The following ZNF37A variants were observed in gnomAD, a reference collection of about 807,000 sequenced individuals.
The protein encoded by ZNF37A is zinc finger protein 37a (KOX 21).
Under a neutral mutation model 12.3 loss-of-function variants are expected in ZNF37A, and 10 were observed. The observed-to-expected ratio is 0.82, with a 90% CI of 0.50 to 1.38. ZNF37A has a LOEUF of 1.38. Ranked by LOEUF, ZNF37A falls within the 40% of genes most tolerant of loss-of-function variation. The pLI, the probability that ZNF37A is intolerant of heterozygous loss-of-function variation, is 0.00. For missense variants in ZNF37A, 580 were observed against 651.2 expected (o/e 0.89, Z 1.19); for synonymous variants, 207 against 223.0 (o/e 0.93, Z 0.64).
Position 38,100,968 on chromosome 10 carries a change from T to TGA in ZNF37A, c.15+4336_15+4337insGA, listed in dbSNP as rs1290093007. On this transcript the variant is annotated intron_variant, in intron 5 of 7. Coordinates refer to ENST00000685332, the MANE Select transcript of ZNF37A (RefSeq NM_001324250.3). ...TTCTGCCTTGGCTGCAGCCGGTCCCTCTGTTTGGGGTCCCTGACTTCCTGC... is the reference window on the plus strand; with the variant it reads ...TTCTGCCTTGGCTGCAGCCGGTCCCTGACTGTTTGGGGTCCCTGACTTCCTGC... 6.6e-5 allele frequency among the ~76,000 whole-genome samples: 10 copies of TGA among 152,216 alleles called. No individual in the cohort carries two copies. The East Asian group carries it at 1.9e-3, about 29-fold the overall frequency.
exon 8 of ZNF37A, chr10:38,148,550 C>G (rs948663472): frequency 3.9e-5 from 6 of 152,328 alleles, no homozygotes; most frequent in Admixed American, 3.3e-4. Context: ...TCTGAGAACA[C>G]TAAGCTCTGC....
rs1240567811 is a variant in ZNF37A at position 38,123,838 on chromosome 10, A to G, written c.*5001A>G. 1 of 152,182 alleles carries G rather than the reference A, an allele frequency of 6.6e-6. No homozygotes were observed. The highest frequency in any genetic ancestry group is 6.6e-5 in the Admixed American group (1 of 15,264). 9.4% of individuals were successfully genotyped at this position (152,182 alleles called of 1,614,324 possible). ...TCTTCTCTCCAAAAGACAGATAATA[A>G]CAAATGCTGAAGAGGATGTGGAGAA... On this transcript the variant is annotated 3_prime_UTR_variant, in exon 8 of 8. Transcript: ENST00000685332.
intron 5 of ZNF37A, among the ~76,000 whole-genome samples, chr10:38,102,856 C>T (rs1313447763): frequency 6.6e-6 from 1 of 151,860 alleles, no homozygotes; most frequent in African/African-American, 2.4e-5. Flanking sequence ...TCTTTTGGTA[C>T]TTTAAAGGTG....
rs1159879845 is a variant in ZNF37A at position 38,123,957 on chromosome 10, T to C, written c.*5120T>C. ...TCAAAAACTAAAAATAGAGCTATCATACAATCCCACAATTCCACTGGTAGT... is the reference window on the plus strand; with the variant it reads ...TCAAAAACTAAAAATAGAGCTATCACACAATCCCACAATTCCACTGGTAGT... On this transcript the variant is annotated 3_prime_UTR_variant, in exon 8 of 8. Coordinates refer to ENST00000685332, the MANE Select transcript of ZNF37A (RefSeq NM_001324250.3). 3 of 152,182 alleles carry C rather than the reference T, an allele frequency of 2.0e-5. No homozygotes were observed. The highest frequency in any genetic ancestry group is 1.3e-4 in the Admixed American group (2 of 15,280). The allele number at this position is 152,182 out of a possible 1,614,324, so 9.4% of individuals were successfully genotyped here.
At chr10:38,102,092 C>T (rs1214576808) in intron 5 of ZNF37A, among the ~76,000 whole-genome samples, 1 of 152,060 alleles carries the variant, frequency 6.6e-6, no homozygotes, top group African/African-American at 2.4e-5. Context: ...GCCTTGGCCT[C>T]CCAAAGTGCT....
intron 7 of ZNF37A, among the ~76,000 whole-genome samples, chr10:38,116,712 C>G (rs572379733): frequency 6.6e-6 from 1 of 152,318 alleles, no homozygotes; most frequent in East Asian, 1.9e-4. Flanking sequence ...AATCCCACAG[C>G]TGGAATAGAA....
chr10:38,148,660 C>T (rs1011764540), exon 8 of ZNF37A: 1 of 152,158 alleles, frequency 6.6e-6, no homozygotes, highest in Non-Finnish European at 1.5e-5. Context: ...ACCTTAACAC[C>T]CCGCCTTTGA....
intron 7 of ZNF37A, among the ~76,000 whole-genome samples, chr10:38,131,282 A>G (rs1167200319): frequency 7.9e-5 from 12 of 152,092 alleles, no homozygotes; most frequent in Non-Finnish European, 1.6e-4. Flanking sequence ...ATCCAATGTC[A>G]TGAGGATTTT....
intron 5 of ZNF37A, among the ~76,000 whole-genome samples, chr10:38,106,309 A>G (rs1320595117): frequency 2.6e-5 from 4 of 152,180 alleles, no homozygotes; most frequent in Non-Finnish European, 4.4e-5. Context: ...ACATCAACAA[A>G]AAGGACATCC....
chr10:38,150,114 C>T (rs1238470368), exon 8 of ZNF37A: 1 of 152,284 alleles, frequency 6.6e-6, no homozygotes, highest in Non-Finnish European at 1.5e-5. Context: ...GGGCGTTGCG[C>T]TCAGCACCTT....
Position 38,120,371 on chromosome 10 carries a change from G to T in ZNF37A, c.*1534G>T, listed in dbSNP as rs1291594725. 1 of 152,236 alleles carries T rather than the reference G, an allele frequency of 6.6e-6. No individual in the cohort carries two copies. Among genetic ancestry groups the T allele is most frequent in the East Asian group, 1.9e-4 (1 of 5,194 alleles). The allele number at this position is 152,236 out of a possible 1,614,324, so 9.4% of individuals were successfully genotyped here. A position where few individuals can be genotyped will look rare whatever the true frequency, so the allele number is the denominator to read the frequency against. ...TTGAACCTGGGAGGTGGGGGTTTCA[G>T]TGAGCTGAGATCATGCCACTGCACT... On this transcript the variant is annotated 3_prime_UTR_variant, in exon 8 of 8. Transcript: ENST00000685332.
At position 38,115,115 on chromosome 10, in the gene ZNF37A, G is replaced by C. The variant is rs1176363093; in HGVS notation, c.143-80G>C. On this transcript the variant is annotated intron_variant, in intron 6 of 7. Transcript: ENST00000685332. ...TGTGTGTGTGTGTGTGTGTGTGTGTGTACTGTTTGGGGTATACTGTCTTCC... is the reference window on the plus strand; with the variant it reads ...TGTGTGTGTGTGTGTGTGTGTGTGTCTACTGTTTGGGGTATACTGTCTTCC... 7 of 1,054,034 alleles carry C rather than the reference G, an allele frequency of 6.6e-6. No individual in the cohort carries two copies. In the African/African-American group the frequency reaches 1.2e-4, roughly 19 times the overall value. 65.3% of individuals were successfully genotyped at this position (1,054,034 alleles called of 1,614,324 possible). A position where few individuals can be genotyped will look rare whatever the true frequency, so the allele number is the denominator to read the frequency against.
chr10:38,121,213 A>C lies in ZNF37A; in HGVS notation c.*2376A>C, dbSNP rs1025123381. 2.0e-5 allele frequency: 3 copies of C among 152,170 alleles called. No individual in the cohort carries two copies. Among genetic ancestry groups the C allele is most frequent in the Non-Finnish European group, 4.4e-5 (3 of 68,034 alleles). 9.4% of individuals were successfully genotyped at this position (152,170 alleles called of 1,614,324 possible). A position where few individuals can be genotyped will look rare whatever the true frequency, so the allele number is the denominator to read the frequency against. ...ACCTTGATAACAAAACCTAAAAAAA[A>C]AACAACAAAAAAACCCATAAAGCTA... is the stretch of plus-strand genomic sequence containing the variant. On this transcript the variant is annotated 3_prime_UTR_variant, in exon 8 of 8. Transcript: ENST00000685332.
rs376433370 is a variant in ZNF37A, at chr10:38,137,612, G to A, written c.239-9120G>A. On this transcript the variant is annotated intron_variant, in intron 7 of 7. Coordinates refer to the ZNF37A transcript ENST00000638053. ...AGGCCAGGTCTTTATTGTCTACCCT[G>A]GCTCCAGCAAGACCTTTCACCCTTG... 2.0e-5 allele frequency: 3 copies of A among 152,270 alleles called. No homozygotes were observed. The East Asian group carries it at 5.8e-4, about 29-fold the overall frequency. The allele number at this position is 152,270 out of a possible 1,614,324, so 9.4% of individuals were successfully genotyped here.
chr10:38,123,403 T>C lies in ZNF37A; in HGVS notation c.*4566T>C, dbSNP rs2069827324. 1 of 152,206 alleles carries C rather than the reference T, an allele frequency of 6.6e-6. No homozygotes were observed. Among genetic ancestry groups the C allele is most frequent in the African/African-American group, 2.4e-5 (1 of 41,448 alleles). 9.4% of individuals were successfully genotyped at this position (152,206 alleles called of 1,614,324 possible). On this transcript the variant is annotated 3_prime_UTR_variant, in exon 8 of 8. Coordinates refer to ENST00000685332, the MANE Select transcript of ZNF37A (RefSeq NM_001324250.3). ...ATTTCAATAAAACTCCCAGTATTTA[T>C]TGTTAACACTGGAAAAAGTTTTCCA... is the stretch of plus-strand genomic sequence containing the variant.
chr10:38,147,834 A>G (rs1401932068), exon 8 of ZNF37A: 1 of 152,226 alleles, frequency 6.6e-6, no homozygotes, highest in Non-Finnish European at 1.5e-5. Flanking sequence ...TCATTTGGAA[A>G]TTTATCACCA....
At chr10:38,094,564 C>T (rs2066988479) in intron 1 of ZNF37A, 74 bp downstream of exon 1, 1 of 152,494 alleles carries the variant, frequency 6.6e-6, no homozygotes, top group Non-Finnish European at 1.5e-5. Context: ...GAGGGAACGC[C>T]TTTGCCGCCT....
chr10:38,106,153 C>T (rs1054895441), intron 5 of ZNF37A, among the ~76,000 whole-genome samples: 1 of 152,104 alleles, frequency 6.6e-6, no homozygotes, highest in Non-Finnish European at 1.5e-5. Flanking sequence ...GAGGAACAGG[C>T]AGCAGTCTTT....
chr10:38,117,965 G>A lies in ZNF37A; in HGVS notation c.814G>A (p.Glu272Lys). Residue 272 changes from glutamate (E) to lysine (K), a missense_variant, in exon 8 of 8, where the codon GAA becomes AAA. Glu to Lys is a moderately conservative substitution (Grantham distance 56, BLOSUM62 1). Transcript: ENST00000685332. ...AACACATACAGGAGAAAAACCTTATGAATGTCATGAATGTGGAAAAACCTT... is the reference window on the plus strand; with the variant it reads ...AACACATACAGGAGAAAAACCTTATAAATGTCATGAATGTGGAAAAACCTT... ...QRTHTGEKPY[E>K]CHECGKTFTQ... 6.2e-7 allele frequency: 1 copy of A among 1,613,938 alleles called. No individual in the cohort carries two copies. The highest frequency in any genetic ancestry group is 8.5e-7 in the Non-Finnish European group (1 of 1,180,010).
Sources: allele counts gnomAD v4.1 joint callset (sites outside exome capture counted in the v4.1 genomes callset), GRCh38; gene constraint gnomAD v4.1.1; transcripts MANE v1.5; gene names NCBI Gene and HGNC (gene_info 2026-07-23, HGNC 2026-07-21).